The following DISC1 variants were observed in gnomAD, a reference collection of about 807,000 sequenced individuals.
DISC1 encodes the protein DISC1 scaffold protein.
A neutral mutation model predicts 84.5 loss-of-function variants in DISC1; 57 were observed. The ratio of observed to expected loss-of-function variants is 0.67; its 90% CI spans 0.55 to 0.84. The LOEUF is 0.84. Ranked by LOEUF, DISC1 falls within the 40% of genes least tolerant of loss-of-function variation. DISC1 has a pLI of 0.00. For synonymous variants in DISC1, 411 were observed against 415.2 expected (o/e 0.99, Z 0.12); for missense variants, 1,000 against 1,057.8 (o/e 0.95, Z 0.76).
intron 9 of DISC1, among the ~76,000 whole-genome samples, chr1:231,940,094 A>C (rs956998913): frequency 1.3e-5 from 2 of 151,858 alleles, no homozygotes; most frequent in African/African-American, 4.8e-5. Flanking sequence ...CCTCCATGAC[A>C]GGACACCTCC....
Position 232,014,818 on chromosome 1 carries a change from C to G in DISC1, c.2307+5769C>G, listed in dbSNP as rs369945876. Among the ~76,000 whole-genome samples, 14 of 152,326 alleles carry G rather than the reference C, an allele frequency of 9.2e-5. No homozygotes were observed. In the East Asian group the frequency reaches 1.7e-3, roughly 19 times the overall value. On this transcript the variant is annotated intron_variant, in intron 11 of 12. Coordinates refer to ENST00000439617, the MANE Select transcript of DISC1 (RefSeq NM_018662.3). ...TTGCAAAACAATTCTCAGCCTCCCC[C>G]TCTCTCTTAAATGTTATTGAATCTT...
At chr1:231,914,862 CA>C (rs1374454985) in intron 9 of DISC1, among the ~76,000 whole-genome samples, 2 of 152,166 alleles carry the variant, frequency 1.3e-5, no homozygotes, top group East Asian at 3.9e-4. Flanking sequence ...TGGTGGAGAG[CA>C]AATGATAGTC....
In DISC1 at chr1:231,665,359, C is replaced by T. The variant is rs560940636; in HGVS notation, c.68-28467C>T. 2.4e-3 allele frequency among the ~76,000 whole-genome samples: 359 copies of T among 152,204 alleles called. 5 individuals are homozygous for T. Among genetic ancestry groups the T allele is most frequent in the African/African-American group, 8.5e-3 (351 of 41,526 alleles). ...ATAAACTTTGAGTAACACAGCGGGA[C>T]TCATACGAAGTGCCACTACTGATGC... On this transcript the variant is annotated intron_variant, in intron 1 of 12. Transcript: ENST00000439617.
chr1:231,944,786 T>TA (rs1177162440), intron 9 of DISC1: 1 of 152,204 alleles, frequency 6.6e-6, no homozygotes, highest in Non-Finnish European at 1.5e-5. Flanking sequence ...AAGCGGAAGT[T>TA]ACAATCCTAA....
intron 9 of DISC1, among the ~76,000 whole-genome samples, chr1:231,923,117 A>C (rs528429205): frequency 2.0e-5 from 3 of 151,824 alleles, no homozygotes; most frequent in African/African-American, 7.2e-5. Flanking sequence ...CTCTACTAAA[A>C]ACACACACAC....
At chr1:231,874,170 T>G (rs1029508627) in intron 9 of DISC1, among the ~76,000 whole-genome samples, 2 of 151,876 alleles carry the variant, frequency 1.3e-5, no homozygotes, top group South Asian at 4.2e-4. Flanking sequence ...TTTTATTTTT[T>G]ATTTTTGAGA....
chr1:231,644,317 T>C (rs2059959621), intron 1 of DISC1, among the ~76,000 whole-genome samples: 1 of 152,102 alleles, frequency 6.6e-6, no homozygotes, highest in Non-Finnish European at 1.5e-5. Context: ...TGGGTAAGAG[T>C]GTAGGCTGGC....
At chr1:231,820,339 G>A (rs2081395992) in intron 9 of DISC1, among the ~76,000 whole-genome samples, 1 of 152,052 alleles carries the variant, frequency 6.6e-6, no homozygotes, top group Non-Finnish European at 1.5e-5. Context: ...TTTGTGTTTT[G>A]AGGGTTAAAA....
At chr1:231,658,290 T>C (rs2061303345) in intron 1 of DISC1, among the ~76,000 whole-genome samples, 1 of 152,210 alleles carries the variant, frequency 6.6e-6, no homozygotes, top group Admixed American at 6.5e-5. Flanking sequence ...TTGCCTGTTG[T>C]TGGTGTGTAG....
At chr1:231,884,799 G>GAA (rs77036419) in intron 9 of DISC1, among the ~76,000 whole-genome samples, 2 of 138,546 alleles carry the variant, frequency 1.4e-5, no homozygotes, top group Non-Finnish European at 1.6e-5. Context: ...ATAAAAGATG[G>GAA]AAAAAAAAAA....
intron 3 of DISC1, chr1:231,721,126 A>G (rs2069623357): frequency 8.6e-6 from 11 of 1,280,244 alleles, no homozygotes; most frequent in Non-Finnish European, 1.1e-5. Context: ...GTACAATAAC[A>G]TTAGCTCTAC....
intron 2 of DISC1, among the ~76,000 whole-genome samples, chr1:231,700,882 T>C (rs897779759): frequency 1.3e-5 from 2 of 152,090 alleles, no homozygotes. Flanking sequence ...GAAATGTAGG[T>C]GTGAGCCAGG....
chr1:231,699,977 T>C (rs1276618233), intron 2 of DISC1, among the ~76,000 whole-genome samples: 1 of 152,216 alleles, frequency 6.6e-6, no homozygotes, highest in East Asian at 1.9e-4. Flanking sequence ...GTACTGGCTC[T>C]TCCCTCTGTG....
chr1:231,901,142 T>C (rs532817189), intron 9 of DISC1, among the ~76,000 whole-genome samples: 1 of 152,340 alleles, frequency 6.6e-6, no homozygotes, highest in South Asian at 2.1e-4. Flanking sequence ...CAAATGTTAT[T>C]GCTTCCAATG....
intron 10 of DISC1, among the ~76,000 whole-genome samples, chr1:231,978,427 T>C (rs1663121666): frequency 6.6e-6 from 1 of 152,166 alleles, no homozygotes; most frequent in Non-Finnish European, 1.5e-5. Context: ...TATAAAAAAA[T>C]AAACTTTCCT....
intron 4 of DISC1, among the ~76,000 whole-genome samples, chr1:231,756,666 GA>G: frequency 6.6e-6 from 1 of 152,214 alleles, no homozygotes; most frequent in African/African-American, 2.4e-5. Context: ...AATCTTGACA[GA>G]ACCTTGGATA....
intron 9 of DISC1, chr1:231,866,847 G>C: frequency 1.4e-6 from 1 of 709,808 alleles, no homozygotes; most frequent in Non-Finnish European, 1.9e-6. Flanking sequence ...GCGGTTCTCT[G>C]AACACAAGAG....
rs980653496 is a variant in DISC1 at position 232,037,521 on chromosome 1, T to C, written c.*690T>C. On this transcript the variant is annotated 3_prime_UTR_variant, in exon 13 of 13. Transcript: ENST00000439617. ...GAGTCTCTGTTTCATCAGGACATTC[T>C]GAAATTTACCCACAGTGAGGCTGTG... 2 of 152,262 alleles carry C rather than the reference T, an allele frequency of 1.3e-5. No individual in the cohort carries two copies. The highest frequency in any genetic ancestry group is 2.9e-5 in the Non-Finnish European group (2 of 68,048). 9.4% of individuals were successfully genotyped at this position (152,262 alleles called of 1,614,324 possible).
chr1:231,632,072 C>G (rs574558606), intron 1 of DISC1, among the ~76,000 whole-genome samples: 1 of 152,164 alleles, frequency 6.6e-6, no homozygotes, highest in Admixed American at 6.5e-5. Context: ...CATTGTGTTA[C>G]GGCTGCCTAC....
Sources: allele counts gnomAD v4.1 joint callset (sites outside exome capture counted in the v4.1 genomes callset), GRCh38; gene constraint gnomAD v4.1.1; transcripts MANE v1.5; gene names NCBI Gene and HGNC (gene_info 2026-07-23, HGNC 2026-07-21).